Variants in GPM6A observed in about 807,000 individuals in gnomAD.
GPM6A encodes the protein neuronal membrane glycoprotein M6-a.
Under a neutral mutation model 32.1 loss-of-function variants are expected in GPM6A, and 7 were observed. That is an observed-to-expected ratio of 0.22 (90% CI 0.12 to 0.41). The LOEUF is 0.41. Ranked by LOEUF, GPM6A falls within the 10% of genes least tolerant of loss-of-function variation. GPM6A has a pLI of 1.00. For synonymous variants in GPM6A, 130 were observed against 123.4 expected, an observed-to-expected ratio of 1.05 and a Z score of -0.35; for missense variants, 235 against 347.2, an observed-to-expected ratio of 0.68 and a Z score of 2.57.
chr4:175,645,389 CA>C (rs1432752966), intron 4 of GPM6A, among the ~76,000 whole-genome samples: 1 of 152,086 alleles, frequency 6.6e-6, no homozygotes, highest in Non-Finnish European at 1.5e-5. Context: ...GCTTACTGGA[CA>C]GTTGAAGTGC....
chr4:175,890,814 C>T (rs899702931), intron 1 of GPM6A, among the ~76,000 whole-genome samples: 2 of 151,952 alleles, frequency 1.3e-5, no homozygotes, highest in African/African-American at 2.4e-5. Flanking sequence ...CTTTGGTCTC[C>T]CAAAGTGCTG....
intron 1 of GPM6A, among the ~76,000 whole-genome samples, chr4:175,710,967 A>C (rs1745494856): frequency 6.6e-6 from 1 of 152,068 alleles, no homozygotes; most frequent in African/African-American, 2.4e-5. Context: ...GGAGACCAGG[A>C]ATATGAAAAC....
intron 1 of GPM6A, among the ~76,000 whole-genome samples, chr4:175,887,558 A>C (rs368703199): frequency 3.9e-5 from 6 of 152,074 alleles, no homozygotes; most frequent in African/African-American, 1.4e-4. Context: ...AAGAGTAATT[A>C]ATAGAATTTA....
intron 1 of GPM6A, among the ~76,000 whole-genome samples, chr4:175,917,353 T>C (rs530640317): frequency 6.6e-6 from 1 of 152,256 alleles, no homozygotes; most frequent in East Asian, 1.9e-4. Context: ...CCCCAAGCAC[T>C]GCCCCTTGCC....
intron 1 of GPM6A, among the ~76,000 whole-genome samples, chr4:175,888,628 G>A (rs1737537488): frequency 6.6e-6 from 1 of 152,010 alleles, no homozygotes; most frequent in Non-Finnish European, 1.5e-5. Context: ...TTTGATCTAA[G>A]TCTAAAACAA....
intron 1 of GPM6A, among the ~76,000 whole-genome samples, chr4:175,785,107 G>A (rs1048024589): frequency 1.3e-5 from 2 of 152,174 alleles, no homozygotes; most frequent in African/African-American, 4.8e-5. Context: ...CATTTCCGAA[G>A]CTAGATCATA....
At chr4:175,967,478 A>G (rs1229374208) in intron 1 of GPM6A, among the ~76,000 whole-genome samples, 1 of 152,226 alleles carries the variant, frequency 6.6e-6, no homozygotes, top group Non-Finnish European at 1.5e-5. Context: ...TTAGGAAGGA[A>G]GAAGTAAAAC....
intron 1 of GPM6A, among the ~76,000 whole-genome samples, chr4:175,704,957 C>A (rs1579405852): frequency 1.3e-5 from 2 of 152,112 alleles, no homozygotes; most frequent in South Asian, 2.1e-4. Context: ...TGACTGATCA[C>A]CAAAACCACT....
At chr4:175,871,452 A>C (rs1736904877) in intron 1 of GPM6A, among the ~76,000 whole-genome samples, 1 of 152,160 alleles carries the variant, frequency 6.6e-6, no homozygotes, top group Non-Finnish European at 1.5e-5. Context: ...CCTGGGCGAC[A>C]GAGTAAGACT....
chr4:175,836,857 T>C (rs9991484), intron 1 of GPM6A, among the ~76,000 whole-genome samples: 48,337 of 151,962 alleles, frequency 0.32, 7,762 homozygotes, highest in East Asian at 0.35. Context: ...AGTGACATGA[T>C]GTTATCTGTT....
At chr4:175,856,944 C>T (rs1560967257) in intron 1 of GPM6A, among the ~76,000 whole-genome samples, 1 of 152,118 alleles carries the variant, frequency 6.6e-6, no homozygotes. Context: ...GGCAGGAAAA[C>T]AGGAATGCAT....
intron 1 of GPM6A, among the ~76,000 whole-genome samples, chr4:175,742,958 G>A (rs1300644735): frequency 6.6e-6 from 1 of 151,766 alleles, no homozygotes; most frequent in African/African-American, 2.4e-5. Flanking sequence ...ACTTGCCTGG[G>A]CAACATTGTA....
intron 2 of GPM6A, among the ~76,000 whole-genome samples, chr4:175,693,529 T>C (rs1430523211): frequency 6.6e-6 from 1 of 152,060 alleles, no homozygotes; most frequent in Admixed American, 6.6e-5. Context: ...CTAAACACTT[T>C]AATTGATAAG....
chr4:175,932,689 GAGA>G (rs1739090801), intron 1 of GPM6A, among the ~76,000 whole-genome samples: 1 of 152,084 alleles, frequency 6.6e-6, no homozygotes, highest in Non-Finnish European at 1.5e-5. Flanking sequence ...ATTTTACAAA[GAGA>G]AGGAGGTAGA....
intron 1 of GPM6A, among the ~76,000 whole-genome samples, chr4:175,981,603 G>T (rs1740817551): frequency 6.6e-6 from 1 of 152,104 alleles, no homozygotes; most frequent in South Asian, 2.1e-4. Flanking sequence ...TCCATCTATG[G>T]CTGCACCAGA....
chr4:175,847,631 C>T lies in GPM6A; in HGVS notation c.-22-35382G>A, dbSNP rs959169185. Among the ~76,000 whole-genome samples, 21 of 151,910 alleles carry T rather than the reference C, an allele frequency of 1.4e-4. 1 individual carries two copies. The South Asian group carries it at 1.7e-3, about 12-fold the overall frequency. On this transcript the variant is annotated intron_variant, in intron 1 of 7. Transcript: ENST00000280187. Reference sequence around the variant, plus strand: ...AGTAGTGATGCTGGCAATTTGGATACGCCAAAGAGAAGCCATAAAATGCTT... The same window carrying T: ...AGTAGTGATGCTGGCAATTTGGATATGCCAAAGAGAAGCCATAAAATGCTT...
At chr4:175,962,542 G>A in intron 1 of GPM6A, 1 of 468,332 alleles carries the variant, frequency 2.1e-6, no homozygotes, top group Non-Finnish European at 4.1e-6. Flanking sequence ...GGACATCCCT[G>A]TACTCTCTGC....
At chr4:175,804,499 T>A (rs1316033263) in intron 1 of GPM6A, among the ~76,000 whole-genome samples, 1 of 152,180 alleles carries the variant, frequency 6.6e-6, no homozygotes, top group East Asian at 1.9e-4. Context: ...GACTAAATAG[T>A]GTGACCGTAA....
At chr4:175,751,831 A>G (rs753199578) in intron 1 of GPM6A, among the ~76,000 whole-genome samples, 1 of 151,950 alleles carries the variant, frequency 6.6e-6, no homozygotes, top group Non-Finnish European at 1.5e-5. Flanking sequence ...TTCATCATGG[A>G]GAGGAAAAAA....
Sources: gnomAD v4.1 joint callset for allele counts (sites outside exome capture counted in the v4.1 genomes callset) on GRCh38, gnomAD v4.1.1 for gene constraint, MANE v1.5 for transcripts, NCBI Gene and HGNC (gene_info 2026-07-23, HGNC 2026-07-21) for gene names.